The following SYNDIG1L variants were observed in gnomAD, a reference collection of about 807,000 sequenced individuals.
SYNDIG1L encodes synapse differentiation-inducing gene protein 1-like.
A neutral mutation model predicts 20.1 loss-of-function variants in SYNDIG1L; 13 were observed. That is an observed-to-expected ratio of 0.65 (90% CI 0.42 to 1.03). The LOEUF (loss-of-function observed/expected upper bound fraction) is 1.03. Among genes scored for constraint, SYNDIG1L ranks in the 50% least tolerant of loss-of-function variants. The pLI, the probability that SYNDIG1L is intolerant of heterozygous loss-of-function variation, is 0.00. For missense variants in SYNDIG1L, 294 were observed against 305.1 expected, an observed-to-expected ratio of 0.96 and a Z score of 0.27; for synonymous variants, 128 against 129.3, an observed-to-expected ratio of 0.99 and a Z score of 0.07.
chr14:74,408,046 T>C, intron 2 of SYNDIG1L, 57 bp from the exon 3 acceptor site: 2 of 1,527,962 alleles, frequency 1.3e-6, no homozygotes, highest in Non-Finnish European at 1.8e-6. Context: ...CCCATCAGGC[T>C]GGCAAGAGGT....
the SYNDIG1L span, among the ~76,000 whole-genome samples, chr14:74,442,808 T>G: frequency 3.3e-5 from 5 of 152,106 alleles, no homozygotes; most frequent in African/African-American, 1.2e-4. Context: ...TGTAAGAGAT[T>G]AGATGGGTTG....
the SYNDIG1L span, among the ~76,000 whole-genome samples, chr14:74,467,243 G>A: frequency 6.6e-6 from 1 of 152,040 alleles, no homozygotes; most frequent in East Asian, 1.9e-4. Context: ...CTGGGATTAC[G>A]GGTGTGAGCC....
chr14:74,473,868 CA>C, the SYNDIG1L span: 14 of 152,292 alleles, frequency 9.2e-5, no homozygotes, highest in Admixed American at 4.6e-4. Flanking sequence ...AACTAGAAGC[CA>C]ACATTTCAGG....
chr14:74,477,125 A>ACACACG, the SYNDIG1L span, among the ~76,000 whole-genome samples: 1 of 144,440 alleles, frequency 6.9e-6, no homozygotes, highest in South Asian at 2.2e-4. Context: ...CCCAACACAC[A>ACACACG]CACACACACA....
the SYNDIG1L span, among the ~76,000 whole-genome samples, chr14:74,454,232 A>C: frequency 6.6e-6 from 1 of 152,172 alleles, no homozygotes; most frequent in African/African-American, 2.4e-5. Flanking sequence ...TGTCCTCTGA[A>C]GTACTACCTA....
At chr14:74,474,947 G>T in the SYNDIG1L span, 1 of 152,124 alleles carries the variant, frequency 6.6e-6, no homozygotes, top group Non-Finnish European at 1.5e-5. Context: ...AAGATGAAAG[G>T]GTAGTCTCTA....
chr14:74,455,175 G>A, the SYNDIG1L span, among the ~76,000 whole-genome samples: 25 of 152,164 alleles, frequency 1.6e-4, no homozygotes, highest in African/African-American at 6.0e-4. Context: ...TCACAACCAC[G>A]TGAACCAATT....
the SYNDIG1L span, among the ~76,000 whole-genome samples, chr14:74,432,264 T>C: frequency 6.6e-6 from 1 of 152,050 alleles, no homozygotes; most frequent in South Asian, 2.1e-4. Flanking sequence ...TCTTGATCCC[T>C]GGTCGCCCAT....
chr14:74,475,652 A>G, the SYNDIG1L span, among the ~76,000 whole-genome samples: 1 of 151,906 alleles, frequency 6.6e-6, no homozygotes, highest in Non-Finnish European at 1.5e-5. Flanking sequence ...AGGCAGGAAA[A>G]AGGCAAGATT....
intron 1 of SYNDIG1L, among the ~76,000 whole-genome samples, chr14:74,425,165 G>T (rs1039608145): frequency 3.9e-5 from 6 of 152,078 alleles, no homozygotes; most frequent in Non-Finnish European, 8.8e-5. Context: ...GCCTGAATGA[G>T]CTCATTCAGC....
chr14:74,473,998 G>A, the SYNDIG1L span: 3 of 152,216 alleles, frequency 2.0e-5, no homozygotes, highest in Non-Finnish European at 4.4e-5. Flanking sequence ...GAGGTTTTCT[G>A]TGAGGGTGCC....
intron 2 of SYNDIG1L, among the ~76,000 whole-genome samples, chr14:74,408,201 C>T (rs983556158): frequency 3.3e-5 from 5 of 152,140 alleles, no homozygotes; most frequent in Non-Finnish European, 7.3e-5. Flanking sequence ...GAATTTATCA[C>T]GAGGAAAGAA....
the SYNDIG1L span, among the ~76,000 whole-genome samples, chr14:74,437,245 A>C: frequency 6.6e-6 from 1 of 152,192 alleles, no homozygotes; most frequent in Non-Finnish European, 1.5e-5. Flanking sequence ...AGGGGACTCA[A>C]ATCATTGAGG....
chr14:74,442,872 T>C, the SYNDIG1L span, among the ~76,000 whole-genome samples: 3 of 152,118 alleles, frequency 2.0e-5, no homozygotes, highest in African/African-American at 7.2e-5. Flanking sequence ...GGGTTTCTGA[T>C]TTGAGTAATT....
chr14:74,407,860 A>G lies in SYNDIG1L; in HGVS notation c.547T>C (p.Phe183Leu). The change falls in exon 3 of 4, where the codon TTC becomes CTC. Residue 183 changes from phenylalanine (F) to leucine (L), a missense_variant. Transcript: ENST00000331628. ...FWPLGIAAFYFSQGTSKAISK... is the reference protein window; with the variant it reads ...FWPLGIAAFYLSQGTSKAISK... ...CCAGGTGCTCTTACCCCCTGGGAGAAGTAGAAGGCAGCAATGCCCAGTGGC... is the reference window on the plus strand; with the variant it reads ...CCAGGTGCTCTTACCCCCTGGGAGAGGTAGAAGGCAGCAATGCCCAGTGGC... The G allele has an allele frequency of 6.2e-7, 1 of 1,612,986 alleles. No homozygotes were observed. Among genetic ancestry groups the G allele is most frequent in the Non-Finnish European group, 8.5e-7 (1 of 1,179,416 alleles).
Position 74,414,057 on chromosome 14 carries a change from C to T in SYNDIG1L, c.-57-4256G>A, listed in dbSNP as rs570757559. ...CTTGGCCTGGCCTTTCAGCCCATTC[C>T]TTGGGTCTGCCTCTCCCTGTTCACT... On this transcript the variant is annotated intron_variant, in intron 1 of 3. Transcript: ENST00000331628. 2.0e-5 allele frequency among the ~76,000 whole-genome samples: 3 copies of T among 152,330 alleles called. No individual in the cohort carries two copies. The East Asian group carries it at 5.8e-4, about 29-fold the overall frequency.
chr14:74,409,241 G>A (rs2086110414), intron 2 of SYNDIG1L, 87 bp downstream of exon 2: 2 of 1,038,472 alleles, frequency 1.9e-6, no homozygotes, highest in Non-Finnish European at 2.7e-6. Context: ...ACCACGCCAG[G>A]CTAATTTTCA....
At chr14:74,430,066 G>A (rs190608053), upstream of SYNDIG1L, among the ~76,000 whole-genome samples, 41 of 152,210 alleles carry the variant, frequency 2.7e-4, no homozygotes, top group Admixed American at 4.6e-4. Context: ...CACCGGTCCC[G>A]CCCGATTCCC....
At chr14:74,433,719 T>G in the SYNDIG1L span, among the ~76,000 whole-genome samples, 749 of 152,266 alleles carry the variant, frequency 4.9e-3, 4 homozygotes, top group African/African-American at 0.017. Flanking sequence ...ACAAGGTAGG[T>G]ACCATTATCA....
Sources: allele counts gnomAD v4.1 joint callset (sites outside exome capture counted in the v4.1 genomes callset), GRCh38; gene constraint gnomAD v4.1.1; transcripts MANE v1.5; gene names NCBI Gene and HGNC (gene_info 2026-07-23, HGNC 2026-07-21).